Variants in NALF1 observed in about 807,000 individuals in gnomAD.
NALF1 encodes NALCN channel auxiliary factor 1.
In NALF1, 3 loss-of-function variants were observed where a neutral mutation model predicts 48.4. The observed-to-expected ratio is 0.06, with a 90% CI of 0.03 to 0.16. NALF1 has a LOEUF of 0.16. Among genes scored for constraint, NALF1 ranks in the 10% least tolerant of loss-of-function variants. NALF1 has a pLI of 1.00. For missense variants in NALF1, 526 were observed against 571.5 expected, an observed-to-expected ratio of 0.92 and a Z score of 0.81; for synonymous variants, 262 against 245.7, an observed-to-expected ratio of 1.07 and a Z score of -0.62.
intron 1 of NALF1, among the ~76,000 whole-genome samples, chr13:107,538,693 C>T (rs575841686): frequency 6.6e-6 from 1 of 152,228 alleles, no homozygotes; most frequent in African/African-American, 2.4e-5. Flanking sequence ...TGGAATCAGA[C>T]CTCAGTTCAA....
chr13:107,263,948 TC>T (rs1880987759), intron 1 of NALF1, among the ~76,000 whole-genome samples: 1 of 152,188 alleles, frequency 6.6e-6, no homozygotes, highest in Non-Finnish European at 1.5e-5. Context: ...CTGATGCCAA[TC>T]TTTTGGTTGT....
At chr13:107,241,051 T>TA (rs34271681) in intron 1 of NALF1, among the ~76,000 whole-genome samples, 37,110 of 66,328 alleles carry the variant, frequency 0.56, 10,588 homozygotes, top group Non-Finnish European at 0.61. Context: ...CCATATCTAC[T>TA]AAAAAAAAAA....
At chr13:107,687,458 TAAAAAGAAAAAAAA>T (rs1881460575) in intron 1 of NALF1, among the ~76,000 whole-genome samples, 1 of 129,282 alleles carries the variant, frequency 7.7e-6, no homozygotes. Flanking sequence ...CCCGTGAATC[TAAAAAGAAAAAAAA>T]AAAAAGAAAG....
At position 107,502,217 on chromosome 13, in the gene NALF1, G is replaced by T. The variant is rs79947995; in HGVS notation, c.916-291462C>A. On this transcript the variant is annotated intron_variant, in intron 1 of 2. Transcript: ENST00000375915. ...ATAAGTCTTCCTATTAGTAGTGTAA[G>T]ATTTAGAAAAATACAGTTCATATTA... Among the ~76,000 whole-genome samples the T allele has an allele frequency of 6.5e-3, 992 of 152,216 alleles. 14 individuals carry two copies. Among genetic ancestry groups the T allele is most frequent in the African/African-American group, 0.023 (952 of 41,526 alleles).
intron 1 of NALF1, among the ~76,000 whole-genome samples, chr13:107,717,747 T>C (rs774413085): frequency 6.6e-6 from 1 of 152,196 alleles, no homozygotes; most frequent in Non-Finnish European, 1.5e-5. Context: ...CGTGGCTTCC[T>C]TCTCTTTCTC....
intron 1 of NALF1, among the ~76,000 whole-genome samples, chr13:107,760,519 A>G (rs1158707243): frequency 6.6e-6 from 1 of 152,170 alleles, no homozygotes; most frequent in Admixed American, 6.5e-5. Context: ...CAGAACAAGT[A>G]ATCTGGAAAT....
intron 1 of NALF1, among the ~76,000 whole-genome samples, chr13:107,529,127 G>T (rs1876542243): frequency 6.6e-6 from 1 of 152,112 alleles, no homozygotes; most frequent in Admixed American, 6.6e-5. Flanking sequence ...TGCTTAACAA[G>T]ATCTTCCCAC....
At chr13:107,523,289 G>A (rs534108608) in intron 1 of NALF1, among the ~76,000 whole-genome samples, 1 of 152,128 alleles carries the variant, frequency 6.6e-6, no homozygotes, top group African/African-American at 2.4e-5. Context: ...TCTCCAGGTG[G>A]CATAGTTTAA....
At chr13:107,734,830 G>A (rs761838959) in intron 1 of NALF1, among the ~76,000 whole-genome samples, 14 of 152,088 alleles carry the variant, frequency 9.2e-5, no homozygotes, top group Non-Finnish European at 2.1e-4. Flanking sequence ...CTAAGAATTT[G>A]TATGAGTAAT....
chr13:107,252,713 G>T (rs1169275550), intron 1 of NALF1, among the ~76,000 whole-genome samples: 1 of 152,154 alleles, frequency 6.6e-6, no homozygotes, highest in Non-Finnish European at 1.5e-5. Context: ...GTGGGACCAC[G>T]GTTAGGTTTG....
intron 1 of NALF1, among the ~76,000 whole-genome samples, chr13:107,515,346 T>G (rs1876022170): frequency 1.3e-5 from 2 of 152,208 alleles, no homozygotes; most frequent in Admixed American, 1.3e-4. Context: ...ACCAGGCTGA[T>G]AGTATGTTGA....
chr13:107,778,366 T>C (rs1329910051), intron 1 of NALF1, among the ~76,000 whole-genome samples: 3 of 152,114 alleles, frequency 2.0e-5, no homozygotes, highest in Middle Eastern at 6.8e-3. Flanking sequence ...TCCAGAAGAG[T>C]GGAACATCTA....
intron 1 of NALF1, among the ~76,000 whole-genome samples, chr13:107,373,970 T>C (rs150259562): frequency 2.0e-5 from 3 of 152,350 alleles, no homozygotes; most frequent in Admixed American, 6.5e-5. Context: ...AAATGGAACA[T>C]AGTTTTTCCT....
At chr13:107,742,919 C>G (rs1369277231) in intron 1 of NALF1, among the ~76,000 whole-genome samples, 3 of 152,178 alleles carry the variant, frequency 2.0e-5, no homozygotes, top group African/African-American at 7.2e-5. Context: ...AGAGATAAAT[C>G]CTCAAGTCTT....
chr13:107,535,360 T>C (rs561481497), intron 1 of NALF1, among the ~76,000 whole-genome samples: 1 of 152,240 alleles, frequency 6.6e-6, no homozygotes, highest in African/African-American at 2.4e-5. Context: ...GTCCCATCAA[T>C]ACCTAATTTC....
At chr13:107,450,269 T>C (rs553344959) in intron 1 of NALF1, among the ~76,000 whole-genome samples, 2 of 146,168 alleles carry the variant, frequency 1.4e-5, no homozygotes, top group Middle Eastern at 3.4e-3. Context: ...TTGAGAAAGA[T>C]AGAAAAGGAG....
chr13:107,438,486 T>C (rs1884498546), intron 1 of NALF1, among the ~76,000 whole-genome samples: 1 of 152,042 alleles, frequency 6.6e-6, no homozygotes, highest in Admixed American at 6.6e-5. Flanking sequence ...ACATGAGTTG[T>C]TTCAAATTTG....
At chr13:107,276,708 T>G (rs1395502873) in intron 1 of NALF1, among the ~76,000 whole-genome samples, 1 of 152,158 alleles carries the variant, frequency 6.6e-6, no homozygotes, top group Non-Finnish European at 1.5e-5. Flanking sequence ...GAGGAAATAG[T>G]TGCAGACTTC....
chr13:107,284,176 T>C (rs1881445027), intron 1 of NALF1, among the ~76,000 whole-genome samples: 1 of 152,054 alleles, frequency 6.6e-6, no homozygotes. Flanking sequence ...CACTTAGATA[T>C]ACAGGGGGAA....
Sources: gnomAD v4.1 joint callset for allele counts (sites outside exome capture counted in the v4.1 genomes callset) on GRCh38, gnomAD v4.1.1 for gene constraint, MANE v1.5 for transcripts, NCBI Gene and HGNC (gene_info 2026-07-23, HGNC 2026-07-21) for gene names.